CAMK2B: variants seen among roughly 807,000 people sequenced by gnomAD.
CAMK2B encodes the protein calcium/calmodulin dependent protein kinase II beta.
In CAMK2B, 27 loss-of-function variants were observed where a neutral mutation model predicts 93.7. That is an observed-to-expected ratio of 0.29 (90% CI 0.21 to 0.40). The LOEUF is 0.40. CAMK2B is among the 10% of genes least tolerant of loss of function. CAMK2B has a pLI of 1.00. For synonymous variants in CAMK2B, 374 were observed against 358.8 expected, an observed-to-expected ratio of 1.04 and a Z score of -0.48; for missense variants, 568 against 895.8, an observed-to-expected ratio of 0.63 and a Z score of 4.67.
intron 2 of CAMK2B, among the ~76,000 whole-genome samples, chr7:44,265,487 C>A (rs542954659): frequency 6.6e-6 from 1 of 152,184 alleles, no homozygotes; most frequent in African/African-American, 2.4e-5. Flanking sequence ...GAGGGAGATG[C>A]GGTGGAACCA....
At chr7:44,266,166 G>A (rs776100538) in intron 2 of CAMK2B, among the ~76,000 whole-genome samples, 44 of 151,822 alleles carry the variant, frequency 2.9e-4, no homozygotes, top group African/African-American at 1.0e-3. Flanking sequence ...TTAAAAATTC[G>A]GGCAAAAAAT....
rs945834481 is a variant in CAMK2B at position 44,311,039 on chromosome 7, T to C, written c.65+14318A>G. The stretch of plus-strand genomic sequence containing the variant: ...AAGAAATAATGACAGAAACTGGTAC[T>C]TGCAATGCTGTCTTTAAAATCTGGT... On this transcript the variant is annotated intron_variant, in intron 1 of 23. Transcript: ENST00000395749. This position sits in a 1 kb window ranked among gnomAD's most constrained non-coding sequence, Gnocchi z 4.2. Among the ~76,000 whole-genome samples the C allele has an allele frequency of 3.3e-5, 5 of 152,236 alleles. No individual in the cohort carries two copies. The highest frequency in any genetic ancestry group is 2.0e-4 in the Admixed American group (3 of 15,276).
chr7:44,313,373 C>G (rs1055913156), intron 1 of CAMK2B, among the ~76,000 whole-genome samples: 16 of 152,030 alleles, frequency 1.1e-4, no homozygotes, highest in African/African-American at 3.9e-4. Flanking sequence ...GCGGAGGGCA[C>G]CCCTGAGGCC....
At chr7:44,261,365 A>G (rs4724295) in intron 3 of CAMK2B, among the ~76,000 whole-genome samples, 48,976 of 152,206 alleles carry the variant, frequency 0.32, 8,197 homozygotes, top group South Asian at 0.4. Flanking sequence ...TGCCCCCCGC[A>G]GAACCCCCAT....
intron 15 of CAMK2B, 75 bp downstream of exon 15, chr7:44,234,315 C>G (rs1461911164): frequency 1.5e-6 from 2 of 1,342,858 alleles, no homozygotes; most frequent in Non-Finnish European, 2.0e-6. Context: ...TTCACCCGGC[C>G]CCCTCTGACC....
intron 4 of CAMK2B, 80 bp from the exon 5 acceptor site, chr7:44,254,687 C>G (rs981159549): frequency 2.3e-6 from 2 of 873,632 alleles, no homozygotes; most frequent in Non-Finnish European, 3.9e-6. Context: ...CTACCACCAC[C>G]ACCATCACCA....
chr7:44,228,563 T>C (rs2096543707), intron 19 of CAMK2B, among the ~76,000 whole-genome samples: 2 of 149,924 alleles, frequency 1.3e-5, no homozygotes, highest in Non-Finnish European at 3.0e-5. Flanking sequence ...GAGCGGGGAG[T>C]GGCAGTGGGA....
At chr7:44,261,506 G>T (rs2096878906) in intron 3 of CAMK2B, among the ~76,000 whole-genome samples, 2 of 152,224 alleles carry the variant, frequency 1.3e-5, no homozygotes, top group African/African-American at 4.8e-5. Flanking sequence ...GGCCTGGTGG[G>T]GTGGGGCAGA....
At chr7:44,249,175 G>T (rs1562898308) in intron 5 of CAMK2B, among the ~76,000 whole-genome samples, 1 of 152,154 alleles carries the variant, frequency 6.6e-6, no homozygotes, top group African/African-American at 2.4e-5. Flanking sequence ...CCTCCTCCTT[G>T]TTCCTGAAGG....
At chr7:44,220,938 G>A (rs1190135278) in intron 20 of CAMK2B, 37 bp from the exon 21 acceptor site, 2 of 1,533,006 alleles carry the variant, frequency 1.3e-6, no homozygotes, top group Non-Finnish European at 1.8e-6. Context: ...ACTGGGCGCT[G>A]GCCCATTCCC....
chr7:44,269,191 GCTGCCAGGGCT>G (rs1416140403), intron 2 of CAMK2B, among the ~76,000 whole-genome samples: 6 of 152,186 alleles, frequency 3.9e-5, no homozygotes, highest in Admixed American at 6.5e-5. Flanking sequence ...GGAGCTCAAA[GCTGCCAGGGCT>G]GAAAGGGCAA....
intron 2 of CAMK2B, among the ~76,000 whole-genome samples, chr7:44,265,282 T>C (rs2096913245): frequency 6.6e-6 from 1 of 152,186 alleles, no homozygotes; most frequent in South Asian, 2.1e-4. Flanking sequence ...ATAATCTCAG[T>C]GCAGGTCCCA....
rs759522806 is a variant in CAMK2B, at chr7:44,229,179, G to A, written c.1339+209C>T. 3 of 615,592 alleles carry A rather than the reference G, an allele frequency of 4.9e-6. No homozygotes were observed. The African/African-American group carries it at 5.6e-5, about 11-fold the overall frequency. 38.1% of individuals were successfully genotyped at this position (615,592 alleles called of 1,614,324 possible). ...GCCTCCCATCCTGCCCAGTGGCCTT[G>A]AGCAGGAAAGTGGTCCAGGGCCCTC... is the stretch of plus-strand genomic sequence containing the variant. On this transcript the variant is annotated intron_variant, in intron 18 of 23. Transcript: ENST00000395749.
rs140589986 is a variant in CAMK2B, at chr7:44,320,593, T to C, written c.65+4764A>G. ...AACTGTTACCAGAAAAGAAAAGTCCTGGTAGCAAGCATGCAGATATATTCT... is the reference window on the plus strand; with the variant it reads ...AACTGTTACCAGAAAAGAAAAGTCCCGGTAGCAAGCATGCAGATATATTCT... On this transcript the variant is annotated intron_variant, in intron 1 of 23. Coordinates refer to ENST00000395749, the MANE Select transcript of CAMK2B (RefSeq NM_001220.5). Among the ~76,000 whole-genome samples, 811 of 152,334 alleles carry C rather than the reference T, an allele frequency of 5.3e-3. 3 individuals carry two copies. Among genetic ancestry groups the C allele is most frequent in the Non-Finnish European group, 6.8e-3 (462 of 68,022 alleles).
chr7:44,286,503 A>G lies in CAMK2B; in HGVS notation c.66-2278T>C, dbSNP rs1170963350. 6.6e-6 allele frequency among the ~76,000 whole-genome samples: 1 copy of G among 152,214 alleles called. No individual in the cohort carries two copies. Among genetic ancestry groups the G allele is most frequent in the East Asian group, 1.9e-4 (1 of 5,200 alleles). On this transcript the variant is annotated intron_variant, in intron 1 of 23. Coordinates refer to ENST00000395749, the MANE Select transcript of CAMK2B (RefSeq NM_001220.5). This position sits in a 1 kb window ranked among gnomAD's most constrained non-coding sequence, Gnocchi z 4.0. ...GGAGACCCAAGCGCAGCTTCCCACC[A>G]GCACAGCAGGCTCCCAGCTGCTGGC...
chr7:44,281,522 C>T (rs1042694456), intron 2 of CAMK2B, among the ~76,000 whole-genome samples: 2 of 152,102 alleles, frequency 1.3e-5, no homozygotes, highest in Admixed American at 6.5e-5. Flanking sequence ...TCCTGTGGTC[C>T]CGGTATGGCA....
At chr7:44,307,377 G>A (rs1420352549) in intron 1 of CAMK2B, among the ~76,000 whole-genome samples, 1 of 139,092 alleles carries the variant, frequency 7.2e-6, no homozygotes, top group Non-Finnish European at 1.6e-5. Context: ...GGGGGAGGAG[G>A]GTGTGAGCAG....
chr7:44,314,386 C>T (rs907170867), intron 1 of CAMK2B, among the ~76,000 whole-genome samples: 1 of 152,220 alleles, frequency 6.6e-6, no homozygotes, highest in Admixed American at 6.5e-5. Context: ...TGGCCTTTTG[C>T]GACTGGCTTC....
chr7:44,291,115 G>A (rs996365518), intron 1 of CAMK2B, among the ~76,000 whole-genome samples: 12 of 152,316 alleles, frequency 7.9e-5, no homozygotes, highest in African/African-American at 2.9e-4. Context: ...TCAACAGTGT[G>A]ATCTGACAGT....
Sources: gnomAD v4.1 joint callset for allele counts (sites outside exome capture counted in the v4.1 genomes callset) on GRCh38, gnomAD v4.1.1 for gene constraint, Gnocchi (gnomAD v3.1) non-coding constraint, MANE v1.5 for transcripts, NCBI Gene and HGNC (gene_info 2026-07-23, HGNC 2026-07-21) for gene names.